The following AGO2 variants were observed in gnomAD, a reference collection of about 807,000 sequenced individuals.
AGO2 encodes argonaute RISC catalytic component 2.
AGO2 carries 5 observed loss-of-function variants against 102.3 expected under a neutral mutation model. The ratio of observed to expected loss-of-function variants is 0.05; its 90% CI spans 0.03 to 0.10. The LOEUF is 0.10. Among genes scored for constraint, AGO2 ranks in the 10% least tolerant of loss-of-function variants. The pLI, the probability that AGO2 is intolerant of heterozygous loss-of-function variation, is 1.00. For missense variants in AGO2, 541 were observed against 1,183.7 expected (o/e 0.46, Z 7.97); for synonymous variants, 449 against 473.1 (o/e 0.95, Z 0.66).
intron 10 of AGO2, 108 bp downstream of exon 10, chr8:140,555,788 C>G: frequency 7.0e-7 from 1 of 1,426,064 alleles, no homozygotes; most frequent in Non-Finnish European, 9.3e-7. Flanking sequence ...AAAGGATTCT[C>G]CTGCATGGAA....
At chr8:140,590,092 C>G (rs1361208523) in intron 1 of AGO2, among the ~76,000 whole-genome samples, 2 of 152,332 alleles carry the variant, frequency 1.3e-5, no homozygotes, top group East Asian at 3.9e-4. Flanking sequence ...ATGCCAGGCC[C>G]GGGCCACCAA....
At chr8:140,533,827 A>C (rs981630736) in intron 17 of AGO2, among the ~76,000 whole-genome samples, 1 of 152,132 alleles carries the variant, frequency 6.6e-6, no homozygotes, top group African/African-American at 2.4e-5. Flanking sequence ...ACAACAACAA[A>C]AAATTACACA....
intron 1 of AGO2, among the ~76,000 whole-genome samples, chr8:140,603,275 G>A (rs1336454534): frequency 6.6e-6 from 1 of 152,210 alleles, no homozygotes; most frequent in East Asian, 1.9e-4. Context: ...ACCTCAAAGC[G>A]GAGTGCGTGG....
chr8:140,561,229 C>T (rs1049457371), intron 4 of AGO2, among the ~76,000 whole-genome samples: 1 of 152,222 alleles, frequency 6.6e-6, no homozygotes, highest in Non-Finnish European at 1.5e-5. Context: ...GCCCGGGAGG[C>T]GCCGTCACTA....
intron 1 of AGO2, among the ~76,000 whole-genome samples, chr8:140,586,426 C>T (rs2073657294): frequency 6.6e-6 from 1 of 152,196 alleles, no homozygotes; most frequent in South Asian, 2.1e-4. Flanking sequence ...GCGGAGGTTG[C>T]AGTGAGCCGA....
chr8:140,630,853 G>A (rs1317836553), intron 1 of AGO2, among the ~76,000 whole-genome samples: 1 of 152,184 alleles, frequency 6.6e-6, no homozygotes, highest in Admixed American at 6.5e-5. Context: ...AACACTCTGC[G>A]TAACAGCCTG....
intron 1 of AGO2, among the ~76,000 whole-genome samples, chr8:140,635,170 G>GGGGATGCGAGGACGCT (rs935776561): frequency 1.8e-4 from 26 of 146,380 alleles, no homozygotes; most frequent in Non-Finnish European, 4.6e-5. Flanking sequence ...GCCCCGGGCG[G>GGGGATGCGAGGACGCT]GGGATGCGAG....
Position 140,573,886 on chromosome 8 carries a change from T to C in AGO2, c.216-954A>G, listed in dbSNP as rs568805367. On this transcript the variant is annotated intron_variant, in intron 2 of 18. Transcript: ENST00000220592. ...GGTTTGTGAGACTGGCTTGGCCTTC[T>C]GTGCTCCTCTGATTGCCAGAAGAAT... is the stretch of plus-strand genomic sequence containing the variant. Among the ~76,000 whole-genome samples, 226 of 152,356 alleles carry C rather than the reference T, an allele frequency of 1.5e-3. 1 individual carries two copies. The highest frequency in any genetic ancestry group is 6.8e-3 in the Middle Eastern group (2 of 294).
At chr8:140,625,698 C>T (rs1040834353) in intron 1 of AGO2, among the ~76,000 whole-genome samples, 4 of 152,182 alleles carry the variant, frequency 2.6e-5, no homozygotes, top group African/African-American at 7.2e-5. Flanking sequence ...TGCGCATCCC[C>T]GACCAGATCC....
At chr8:140,550,554 A>G (rs536429842) in intron 11 of AGO2, among the ~76,000 whole-genome samples, 1 of 150,712 alleles carries the variant, frequency 6.6e-6, no homozygotes, top group African/African-American at 2.4e-5. Context: ...CCTCTTAATC[A>G]CTCCTCTTGT....
At chr8:140,601,443 C>T (rs1415678017) in intron 1 of AGO2, among the ~76,000 whole-genome samples, 1 of 152,238 alleles carries the variant, frequency 6.6e-6, no homozygotes, top group East Asian at 1.9e-4. Flanking sequence ...CTAGGCACAC[C>T]CCAAAGAGAA....
At chr8:140,561,268 G>A (rs1352586884) in intron 4 of AGO2, among the ~76,000 whole-genome samples, 1 of 152,238 alleles carries the variant, frequency 6.6e-6, no homozygotes. Context: ...CACGCTGTGA[G>A]CCTCGATGCT....
At chr8:140,602,579 G>C (rs2073947284) in intron 1 of AGO2, among the ~76,000 whole-genome samples, 1 of 152,060 alleles carries the variant, frequency 6.6e-6, no homozygotes, top group African/African-American at 2.4e-5. Context: ...GCTTCAGCAG[G>C]CTTCTGCAGC....
intron 1 of AGO2, among the ~76,000 whole-genome samples, chr8:140,585,584 T>C (rs1217762456): frequency 6.6e-6 from 1 of 152,222 alleles, no homozygotes; most frequent in Non-Finnish European, 1.5e-5. Flanking sequence ...CATGAATTAC[T>C]AGCACGGGAG....
At chr8:140,547,132 G>A (rs2072914953) in intron 13 of AGO2, among the ~76,000 whole-genome samples, 2 of 152,178 alleles carry the variant, frequency 1.3e-5, no homozygotes, top group Non-Finnish European at 2.9e-5. Flanking sequence ...TGGTCCACAC[G>A]GTAGCTGCTG....
chr8:140,609,537 C>T (rs2074048783), intron 1 of AGO2, among the ~76,000 whole-genome samples: 1 of 152,228 alleles, frequency 6.6e-6, no homozygotes, highest in Non-Finnish European at 1.5e-5. Context: ...TCTGCTACAG[C>T]TGCGGCCTCA....
chr8:140,629,033 G>A (rs1272497422), intron 1 of AGO2, among the ~76,000 whole-genome samples: 4 of 152,216 alleles, frequency 2.6e-5, no homozygotes, highest in African/African-American at 4.8e-5. Flanking sequence ...GGAGGTTGCA[G>A]TGGGTCGACA....
chr8:140,598,048 C>T (rs1456867037), intron 1 of AGO2, among the ~76,000 whole-genome samples: 1 of 152,208 alleles, frequency 6.6e-6, no homozygotes, highest in East Asian at 1.9e-4. Flanking sequence ...GAACACTGAG[C>T]TTACTATTGT....
At chr8:140,562,756 C>A in intron 3 of AGO2, 122 bp from the exon 4 acceptor site, 4 of 1,094,108 alleles carry the variant, frequency 3.7e-6, no homozygotes, top group Non-Finnish European at 5.2e-6. Flanking sequence ...GGCCTCTAGC[C>A]AACCACTAGC....
Sources: gnomAD v4.1 joint callset for allele counts (sites outside exome capture counted in the v4.1 genomes callset) on GRCh38, gnomAD v4.1.1 for gene constraint, MANE v1.5 for transcripts, NCBI Gene and HGNC (gene_info 2026-07-23, HGNC 2026-07-21) for gene names.